Variants in ACOT11 observed in about 807,000 individuals in gnomAD.
ACOT11 encodes acyl-CoA thioesterase 11, also known as acyl-coenzyme A thioesterase 11.
A neutral mutation model predicts 77.5 loss-of-function variants in ACOT11; 69 were observed. That is an observed-to-expected ratio of 0.89 (90% CI 0.73 to 1.09). The LOEUF is 1.09. ACOT11 is among the 50% of genes least tolerant of loss of function. The pLI is 0.00. For synonymous variants in ACOT11, 279 were observed against 313.0 expected, an observed-to-expected ratio of 0.89 and a Z score of 1.15; for missense variants, 766 against 813.7, an observed-to-expected ratio of 0.94 and a Z score of 0.71.
intron 6 of ACOT11, among the ~76,000 whole-genome samples, chr1:54,595,642 A>G (rs1271576273): frequency 6.6e-6 from 1 of 152,188 alleles, no homozygotes; most frequent in Non-Finnish European, 1.5e-5. Flanking sequence ...ACTGTTTTGT[A>G]TCTTGCAGTT....
At chr1:54,633,837 C>T (rs1459709554) in intron 16 of ACOT11, among the ~76,000 whole-genome samples, 2 of 152,188 alleles carry the variant, frequency 1.3e-5, no homozygotes, top group African/African-American at 4.8e-5. Flanking sequence ...CGGCAATTAG[C>T]AAAAGAGGCT....
At chr1:54,605,001 CCA>C in intron 12 of ACOT11, 73 bp from the exon 13 acceptor site, 1 of 1,492,878 alleles carries the variant, frequency 6.7e-7, no homozygotes, top group Non-Finnish European at 9.1e-7. Flanking sequence ...CCCTGAGCTT[CCA>C]GTCTCAGCCT....
chr1:54,625,531 CA>C (rs929880627), intron 15 of ACOT11, among the ~76,000 whole-genome samples: 2 of 152,052 alleles, frequency 1.3e-5, no homozygotes, highest in African/African-American at 4.8e-5. Context: ...ATGATAGCCG[CA>C]AAAAGTTAAC....
intron 15 of ACOT11, among the ~76,000 whole-genome samples, chr1:54,617,888 G>A (rs1644190542): frequency 6.6e-6 from 1 of 151,304 alleles, no homozygotes; most frequent in African/African-American, 2.4e-5. Flanking sequence ...CACCATGCAC[G>A]GCTAATTTTT....
chr1:54,602,749 A>G, intron 10 of ACOT11, 25 bp downstream of exon 10: 1 of 1,516,896 alleles, frequency 6.6e-7, no homozygotes, highest in Non-Finnish European at 8.8e-7. Flanking sequence ...AGTGGTGGGC[A>G]GAATGTGGAT....
intron 15 of ACOT11, chr1:54,616,182 G>C (rs757672866): frequency 4.1e-5 from 65 of 1,603,848 alleles, no homozygotes; most frequent in Non-Finnish European, 5.5e-5. Context: ...CCTGTGGAAG[G>C]GGCAACAACT....
In ACOT11 at chr1:54,584,521, G is replaced by A. The variant is rs1336333120; in HGVS notation, c.34-134G>A. 5 of 780,782 alleles carry A rather than the reference G, an allele frequency of 6.4e-6. No individual in the cohort carries two copies. The highest frequency in any genetic ancestry group is 6.1e-6 in the Non-Finnish European group (3 of 488,022). 48.4% of individuals were successfully genotyped at this position (780,782 alleles called of 1,614,324 possible). On this transcript the variant is annotated intron_variant, in intron 1 of 15. Coordinates refer to ENST00000343744, the MANE Select transcript of ACOT11 (RefSeq NM_147161.4). This position sits in a 1 kb window ranked among gnomAD's most constrained non-coding sequence, Gnocchi z 6.3. ...GGCTGGAGGGTGGTGACCACTCTCG[G>A]GTTGGGGTCTGGTGGGAGGTGGCCC... is the stretch of plus-strand genomic sequence containing the variant.
chr1:54,560,585 GT>G (rs1288215060), intron 1 of ACOT11, among the ~76,000 whole-genome samples: 2 of 152,072 alleles, frequency 1.3e-5, no homozygotes, highest in African/African-American at 2.4e-5. Flanking sequence ...CTGGAGTGCA[GT>G]GGTGCGATCA....
rs1281205053 is a variant in ACOT11, at chr1:54,609,631, T to A, written c.*519T>A. ...CGTGGGGGAAGACCTCAGCCACAGC[T>A]GTAAGCAGCTCTCTGCCAGCCACAT... On this transcript the variant is annotated 3_prime_UTR_variant, in exon 16 of 16. Transcript: ENST00000343744. 1 of 1,613,652 alleles carries A rather than the reference T, an allele frequency of 6.2e-7. No individual in the cohort carries two copies. The highest frequency in any genetic ancestry group is 8.5e-7 in the Non-Finnish European group (1 of 1,180,030).
At position 54,599,519 on chromosome 1, in the gene ACOT11, C is replaced by A. The variant is rs193054934; in HGVS notation, c.884+104C>A. On this transcript the variant is annotated intron_variant, in intron 8 of 15. Coordinates refer to ENST00000343744, the MANE Select transcript of ACOT11 (RefSeq NM_147161.4). ...AACTGTCCAGGAGCCCTTTGCCCTG[C>A]AGACAGGGTCTAAATCCCTGCCTGG... 2.2e-4 allele frequency: 268 copies of A among 1,243,330 alleles called. 1 individual carries two copies. In the African/African-American group the frequency reaches 3.3e-3, roughly 15 times the overall value. 77.0% of individuals were successfully genotyped at this position (1,243,330 alleles called of 1,614,324 possible).
At chr1:54,592,496 C>T in intron 3 of ACOT11, 50 bp from the exon 4 acceptor site, 5 of 1,563,486 alleles carry the variant, frequency 3.2e-6, no homozygotes, top group African/African-American at 1.4e-5. Flanking sequence ...GGCCCCTGTT[C>T]CTCCCTCTGG....
intron 1 of ACOT11, among the ~76,000 whole-genome samples, chr1:54,582,861 G>T (rs1654360366): frequency 6.6e-6 from 1 of 152,110 alleles, no homozygotes; most frequent in South Asian, 2.1e-4. Flanking sequence ...CCCTCTGCAA[G>T]TGGGCATTGT....
rs138109133 is a variant in ACOT11, at chr1:54,557,950, C to T, written c.33+9608C>T. On this transcript the variant is annotated intron_variant, in intron 1 of 15. Transcript: ENST00000343744. ...TAAAAGTGGGCATCTTTGTTTTATC[C>T]CACATTTTAGATGAAAAGCTTTCAA... Among the ~76,000 whole-genome samples the T allele has an allele frequency of 9.9e-5, 15 of 152,230 alleles. No homozygotes were observed. The East Asian group carries it at 2.9e-3, about 29-fold the overall frequency.
intron 6 of ACOT11, among the ~76,000 whole-genome samples, chr1:54,595,260 C>T (rs937130166): frequency 4.6e-5 from 7 of 151,968 alleles, no homozygotes; most frequent in Non-Finnish European, 7.4e-5. Context: ...GCAGGAGAAT[C>T]GCTTGGACCT....
chr1:54,576,783 G>A lies in ACOT11; in HGVS notation c.34-7872G>A, dbSNP rs139902015. 1.0e-3 allele frequency among the ~76,000 whole-genome samples: 159 copies of A among 152,242 alleles called. 3 individuals are homozygous for A. In the East Asian group the frequency reaches 0.02, roughly 20 times the overall value. ...TGTGAGCGAGACTGGAGGTGTGGGC[G>A]AGACTGGAGGTGTGGGCAGGGGTGG... On this transcript the variant is annotated intron_variant, in intron 1 of 15. Coordinates refer to ENST00000343744, the MANE Select transcript of ACOT11 (RefSeq NM_147161.4).
chr1:54,610,244 A>G lies in ACOT11; in HGVS notation c.*1132A>G, dbSNP rs571999912. ...AGGCCAGGAGCCCTGTGCTCTTGAC[A>G]TCACTGTACTCCCTCTCCCTCCCCG... is the stretch of plus-strand genomic sequence containing the variant. On this transcript the variant is annotated 3_prime_UTR_variant, in exon 16 of 16. Coordinates refer to ENST00000343744, the MANE Select transcript of ACOT11 (RefSeq NM_147161.4). 6.9e-7 allele frequency: 1 copy of G among 1,449,700 alleles called. No homozygotes were observed. Among genetic ancestry groups the G allele is most frequent in the African/African-American group, 1.4e-5 (1 of 70,234 alleles). 89.8% of individuals were successfully genotyped at this position (1,449,700 alleles called of 1,614,324 possible).
chr1:54,603,665 C>G (rs550225846), intron 10 of ACOT11, among the ~76,000 whole-genome samples: 64 of 152,268 alleles, frequency 4.2e-4, no homozygotes, highest in Admixed American at 1.1e-3. Context: ...TCGCTCCCAC[C>G]TCTGAGCTTT....
chr1:54,556,124 A>G (rs1653250046), intron 1 of ACOT11, among the ~76,000 whole-genome samples: 4 of 152,104 alleles, frequency 2.6e-5, no homozygotes, highest in Admixed American at 1.3e-4. Flanking sequence ...CCCAACATCA[A>G]TTGTTGAATA....
chr1:54,599,496 C>T, intron 8 of ACOT11, 81 bp downstream of exon 8: 2 of 1,390,978 alleles, frequency 1.4e-6, no homozygotes, highest in Non-Finnish European at 1.9e-6. Flanking sequence ...CTACTTCAAA[C>T]TGTCCAGGAG....
Sources: allele counts gnomAD v4.1 joint callset (sites outside exome capture counted in the v4.1 genomes callset), GRCh38; gene constraint gnomAD v4.1.1; non-coding constraint Gnocchi (gnomAD v3.1); transcripts MANE v1.5; gene names NCBI Gene and HGNC (gene_info 2026-07-23, HGNC 2026-07-21).